Variants in ZNF516 observed in about 807,000 individuals in gnomAD.
ZNF516 encodes zinc finger protein 516.
Under a neutral mutation model 79.7 loss-of-function variants are expected in ZNF516, and 19 were observed. The observed-to-expected ratio is 0.24, with a 90% confidence interval of 0.17 to 0.35. The LOEUF is 0.35. ZNF516 is among the 10% of genes least tolerant of loss of function. The pLI is 1.00. For synonymous variants in ZNF516, 877 were observed against 739.5 expected, an observed-to-expected ratio of 1.19 and a Z score of -3.02; for missense variants, 1,678 against 1,679.5, an observed-to-expected ratio of 1.00 and a Z score of 0.02.
At chr18:76,425,278 T>G (rs1428448955) in intron 3 of ZNF516, among the ~76,000 whole-genome samples, 2 of 152,182 alleles carry the variant, frequency 1.3e-5, no homozygotes, top group Non-Finnish European at 2.9e-5. Flanking sequence ...CTACAACTAA[T>G]ACGCCAGTAA....
rs1368888830 is a variant in ZNF516, at chr18:76,493,697, C to T, written c.-272+1447G>A. ...TTCACTCCCTGAAAAATCACACTCCCCCTCCAGTTTCTTCCCCTGCAATGA... is the reference window on the plus strand; with the variant it reads ...TTCACTCCCTGAAAAATCACACTCCTCCTCCAGTTTCTTCCCCTGCAATGA... On this transcript the variant is annotated intron_variant, in intron 1 of 6. Coordinates refer to ENST00000443185, the MANE Select transcript of ZNF516 (RefSeq NM_014643.4). This position sits in a 1 kb window ranked among gnomAD's most constrained non-coding sequence, Gnocchi z 5.2. 1.3e-5 allele frequency: 2 copies of T among 152,266 alleles called. No homozygotes were observed. Among genetic ancestry groups the T allele is most frequent in the African/African-American group, 4.8e-5 (2 of 41,462 alleles). The allele number at this position is 152,266 out of a possible 1,614,324, so 9.4% of individuals were successfully genotyped here. A position where few individuals can be genotyped will look rare whatever the true frequency, so the allele number is the denominator to read the frequency against.
At chr18:76,476,323 T>C (rs1195510082) in intron 1 of ZNF516, among the ~76,000 whole-genome samples, 2 of 152,188 alleles carry the variant, frequency 1.3e-5, no homozygotes, top group African/African-American at 4.8e-5. Flanking sequence ...GCAAAGTGTC[T>C]CTGTCTATCT....
In ZNF516 at chr18:76,459,748, G is replaced by A. The variant is rs1912980931; in HGVS notation, c.-158+3280C>T. On this transcript the variant is annotated intron_variant, in intron 2 of 6. Coordinates refer to ENST00000443185, the MANE Select transcript of ZNF516 (RefSeq NM_014643.4). This position sits in a 1 kb window ranked among gnomAD's most constrained non-coding sequence, Gnocchi z 5.0. The stretch of plus-strand genomic sequence containing the variant: ...CACCAGGCACTGCTCCTGGAGCACA[G>A]TGGGTATCCCATCACAACGCGGGAG... 6.6e-6 allele frequency among the ~76,000 whole-genome samples: 1 copy of A among 152,220 alleles called. No homozygotes were observed. The highest frequency in any genetic ancestry group is 1.5e-5 in the Non-Finnish European group (1 of 68,046).
At chr18:76,422,828 A>C (rs544864680) in intron 3 of ZNF516, among the ~76,000 whole-genome samples, 44 of 152,306 alleles carry the variant, frequency 2.9e-4, no homozygotes, top group African/African-American at 1.0e-3. Context: ...AATCGTAAAC[A>C]ATGACAAACT....
rs1265246832 is a variant in ZNF516 at position 76,380,117 on chromosome 18, T to C, written c.1997A>G (p.Gln666Arg). The C allele has an allele frequency of 1.3e-5, 21 of 1,613,970 alleles. No homozygotes were observed. The highest frequency in any genetic ancestry group is 1.7e-5 in the Non-Finnish European group (20 of 1,179,884). ...SSRETSRRQE[Q>R]HRFSMDLKMP... ...CTTTAAGTCCATAGAAAATCTGTGC[T>C]GCTCTTGCCTTCTAGAAGTCTCTCT... The change falls in exon 4 of 7, where the codon CAG (glutamine) becomes CGG (arginine). Residue 666 changes from glutamine to arginine, a missense_variant. Gln to Arg is a conservative substitution (Grantham distance 43, BLOSUM62 1). Coordinates refer to ENST00000443185, the MANE Select transcript of ZNF516 (RefSeq NM_014643.4).
chr18:76,443,668 C>T (rs1048557046), intron 2 of ZNF516, among the ~76,000 whole-genome samples: 2 of 152,144 alleles, frequency 1.3e-5, no homozygotes, highest in East Asian at 1.9e-4. Flanking sequence ...CAACAGTTGA[C>T]GGCACTTCAC....
intron 2 of ZNF516, among the ~76,000 whole-genome samples, chr18:76,453,084 A>C (rs1912515134): frequency 6.6e-6 from 1 of 152,228 alleles, no homozygotes; most frequent in South Asian, 2.1e-4. Flanking sequence ...AATACTAAGT[A>C]GTTGCTTTGC....
intron 3 of ZNF516, among the ~76,000 whole-genome samples, chr18:76,395,291 C>T (rs1455288477): frequency 1.3e-5 from 2 of 152,218 alleles, no homozygotes; most frequent in Non-Finnish European, 2.9e-5. Flanking sequence ...AAACGAGCAT[C>T]TCCCAGACAC....
At chr18:76,448,109 T>G (rs115677438) in intron 2 of ZNF516, among the ~76,000 whole-genome samples, 3,060 of 150,768 alleles carry the variant, frequency 0.02, 117 homozygotes, top group African/African-American at 0.071. Context: ...AAGGGGAGAG[T>G]CTGAAGAAAG....
At chr18:76,483,411 ACT>A (rs1290734410) in intron 1 of ZNF516, among the ~76,000 whole-genome samples, 1 of 151,644 alleles carries the variant, frequency 6.6e-6, no homozygotes, top group Non-Finnish European at 1.5e-5. Context: ...GCCATGATCC[ACT>A]CTGTCTCTGC....
chr18:76,397,732 G>T (rs2075165887), intron 3 of ZNF516, among the ~76,000 whole-genome samples: 1 of 152,102 alleles, frequency 6.6e-6, no homozygotes, highest in Non-Finnish European at 1.5e-5. Context: ...TGAGTAGCTG[G>T]CTCTACAGGC....
rs898132301 is a variant in ZNF516 at position 76,361,016 on chromosome 18, T to C, written c.*1482A>G. 1.3e-5 allele frequency: 2 copies of C among 151,946 alleles called. No individual in the cohort carries two copies. Among genetic ancestry groups the C allele is most frequent in the Non-Finnish European group, 2.9e-5 (2 of 67,994 alleles). The allele number at this position is 151,946 out of a possible 1,614,324, so 9.4% of individuals were successfully genotyped here. On this transcript the variant is annotated 3_prime_UTR_variant, in exon 7 of 7. Transcript: ENST00000443185. The stretch of plus-strand genomic sequence containing the variant: ...GTATTAAAGGTTAGGATAATTTCTG[T>C]ACATGTAAAATTATTGCTTTTTTGA...
rs755963599 is a variant in ZNF516, at chr18:76,467,758, A to T, written c.-271-4617T>A. 2.0e-5 allele frequency among the ~76,000 whole-genome samples: 3 copies of T among 152,252 alleles called. No homozygotes were observed. The highest frequency in any genetic ancestry group is 4.4e-5 in the Non-Finnish European group (3 of 68,038). ...TTAGCAATTTCCTGCATTTGCAGGC[A>T]TGTTCAAACTGTAAGCCCGTTCGAT... On this transcript the variant is annotated intron_variant, in intron 1 of 6. Coordinates refer to ENST00000443185, the MANE Select transcript of ZNF516 (RefSeq NM_014643.4). The surrounding 1 kb of genome is among the most constrained non-coding windows in gnomAD (Gnocchi z 4.2).
At chr18:76,404,739 TTG>T (rs1491238724) in intron 3 of ZNF516, among the ~76,000 whole-genome samples, 3 of 2,318 alleles carry the variant, frequency 1.3e-3, no homozygotes, top group East Asian at 0.043. Flanking sequence ...AGCATGTGCG[TTG>T]TGTGTGCATG....
chr18:76,408,642 C>G (rs1192075564), intron 3 of ZNF516, among the ~76,000 whole-genome samples: 13 of 152,212 alleles, frequency 8.5e-5, no homozygotes, highest in Admixed American at 8.5e-4. Context: ...CCAAGAAGAA[C>G]ATGACCGCTA....
chr18:76,447,654 A>G (rs1912139176), intron 2 of ZNF516, among the ~76,000 whole-genome samples: 1 of 152,216 alleles, frequency 6.6e-6, no homozygotes, highest in Non-Finnish European at 1.5e-5. Flanking sequence ...TCCAGCTGAC[A>G]TGCAATATGG....
intron 3 of ZNF516, among the ~76,000 whole-genome samples, chr18:76,384,371 CCGACACCCCCACCACGGG>C (rs1319900760): frequency 5.2e-5 from 7 of 134,726 alleles, no homozygotes; most frequent in African/African-American, 1.4e-4. Flanking sequence ...CTCCACGGTT[CCGACACCCCCACCACGGG>C]CCGCACCCCT....
chr18:76,357,903 G>A lies in ZNF516; in HGVS notation c.*4595C>T, dbSNP rs1038564900. 1.3e-5 allele frequency among the ~76,000 whole-genome samples: 2 copies of A among 152,048 alleles called. No individual in the cohort carries two copies. Among genetic ancestry groups the A allele is most frequent in the Admixed American group, 6.5e-5 (1 of 15,270 alleles). On this transcript the variant is annotated 3_prime_UTR_variant, in exon 7 of 7. Coordinates refer to ENST00000443185, the MANE Select transcript of ZNF516 (RefSeq NM_014643.4). The stretch of plus-strand genomic sequence containing the variant: ...GTAAGAACAGTGGGTGTATTCAGTG[G>A]GGAAATAACATGTGTGCTGTGAAAG...
In ZNF516 at chr18:76,402,949, G is replaced by A. The variant is rs568222790; in HGVS notation, c.1811-22646C>T. On this transcript the variant is annotated intron_variant, in intron 3 of 6. Coordinates refer to ENST00000443185, the MANE Select transcript of ZNF516 (RefSeq NM_014643.4). ...TTGTGCCACAGAGTCGAAGCTAGTC[G>A]AAGCTACAGGGCTGAGAGCCAGAAG... Among the ~76,000 whole-genome samples, 5 of 152,316 alleles carry A rather than the reference G, an allele frequency of 3.3e-5. No homozygotes were observed. The South Asian group carries it at 8.3e-4, about 25-fold the overall frequency.
Sources: allele counts gnomAD v4.1 joint callset (sites outside exome capture counted in the v4.1 genomes callset), GRCh38; gene constraint gnomAD v4.1.1; non-coding constraint Gnocchi (gnomAD v3.1); transcripts MANE v1.5; gene names NCBI Gene and HGNC (gene_info 2026-07-23, HGNC 2026-07-21).